CDS2: variants seen among roughly 807,000 people sequenced by gnomAD.
CDS2 encodes CDP-diacylglycerol synthase 2.
A neutral mutation model predicts 59.0 loss-of-function variants in CDS2; 47 were observed. That is an observed-to-expected ratio of 0.80 (90% CI 0.63 to 1.02). CDS2 has a LOEUF of 1.02. CDS2 is among the 50% of genes least tolerant of loss of function. CDS2 has a pLI of 0.00. For missense variants in CDS2, 356 were observed against 558.9 expected (o/e 0.64, Z 3.66); for synonymous variants, 207 against 206.4 (o/e 1.00, Z -0.02).
intron 5 of CDS2, among the ~76,000 whole-genome samples, chr20:5,181,802 G>T (rs2091035438): frequency 6.6e-6 from 1 of 152,156 alleles, no homozygotes; most frequent in Admixed American, 6.5e-5. Context: ...AATAAATACT[G>T]TAGGCAATTA....
chr20:5,143,209 G>C (rs774128256), intron 1 of CDS2, among the ~76,000 whole-genome samples: 4 of 151,988 alleles, frequency 2.6e-5, no homozygotes, highest in Non-Finnish European at 1.5e-5. Flanking sequence ...CCATCTGAGA[G>C]GTGCAAAATT....
chr20:5,163,367 T>G (rs2123019466), intron 1 of CDS2, among the ~76,000 whole-genome samples: 1 of 149,636 alleles, frequency 6.7e-6, no homozygotes, highest in Admixed American at 6.7e-5. Flanking sequence ...ATTCAATCGA[T>G]TCTCCTGCCT....
At chr20:5,185,703 G>A (rs528265233) in intron 8 of CDS2, 55 bp from the exon 9 acceptor site, 29 of 1,476,312 alleles carry the variant, frequency 2.0e-5, no homozygotes, top group South Asian at 1.6e-4. Context: ...ATCATTGTTC[G>A]CAAAGCTATA....
In CDS2 at chr20:5,184,939, C is replaced by T. The variant is rs1324918606; in HGVS notation, c.753C>T (p.Leu251=). ...MFGFFFGRTP[L]IKLSPKKTWE... ...GCTTTTTCTTTGGTCGGACCCCACT[C>T]ATCAAGGTAAATGGATTACCCTAAT... The change falls in exon 8 of 13, where the codon CTC becomes CTT. Residue 251 remains leucine (L), a synonymous_variant. Transcript: ENST00000460006. This position sits in a 1 kb window ranked among gnomAD's most constrained non-coding sequence, Gnocchi z 4.3. 3.7e-6 allele frequency: 6 copies of T among 1,609,952 alleles called. No homozygotes were observed. Among genetic ancestry groups the T allele is most frequent in the African/African-American group, 2.7e-5 (2 of 74,790 alleles).
chr20:5,128,489 A>G (rs1376558108), intron 1 of CDS2: 1 of 152,204 alleles, frequency 6.6e-6, no homozygotes, highest in African/African-American at 2.4e-5. Flanking sequence ...TTTTTAGAAC[A>G]TATATTTTGG....
At chr20:5,133,385 C>T (rs1299425126) in intron 1 of CDS2, among the ~76,000 whole-genome samples, 2 of 151,546 alleles carry the variant, frequency 1.3e-5, no homozygotes, top group Non-Finnish European at 2.9e-5. Context: ...CTGAGTAGCT[C>T]AGGACTACAG....
intron 1 of CDS2, among the ~76,000 whole-genome samples, chr20:5,158,326 C>T (rs531259663): frequency 1.2e-4 from 19 of 152,148 alleles, no homozygotes; most frequent in African/African-American, 2.6e-4. Flanking sequence ...CCTGCCACCA[C>T]GCCCAGCTAA....
chr20:5,180,182 C>T (rs972475535), intron 5 of CDS2, among the ~76,000 whole-genome samples: 3 of 152,096 alleles, frequency 2.0e-5, no homozygotes, highest in East Asian at 1.9e-4. Context: ...AAGGGGTCTG[C>T]GGACATGTTG....
At chr20:5,154,787 A>C (rs1379018236) in intron 1 of CDS2, among the ~76,000 whole-genome samples, 1 of 152,180 alleles carries the variant, frequency 6.6e-6, no homozygotes, top group Non-Finnish European at 1.5e-5. Flanking sequence ...AGCTGGGACT[A>C]CGGGTGCGTG....
intron 1 of CDS2, among the ~76,000 whole-genome samples, chr20:5,145,487 C>T (rs577674439): frequency 5.4e-4 from 82 of 152,252 alleles, no homozygotes; most frequent in African/African-American, 1.7e-3. Context: ...TTGCTCTCAT[C>T]CACTATCCCG....
chr20:5,173,647 A>G lies in CDS2; in HGVS notation c.182A>G (p.Asn61Ser). ...GAGGTCCTCAATAGGGCCCTTTCCA[A>G]CTTGTCTTCAAGGTAACCTGGCTTA... ...TPEVLNRALS[N>S]LSSRWKNWWV... is the part of the protein sequence containing the mutation. The change falls in exon 2 of 13, where the codon AAC becomes AGC. Residue 61 changes from asparagine to serine, a missense_variant. Coordinates refer to ENST00000460006, the MANE Select transcript of CDS2 (RefSeq NM_003818.4). 1 of 1,614,054 alleles carries G rather than the reference A, an allele frequency of 6.2e-7. No homozygotes were observed. Among genetic ancestry groups the G allele is most frequent in the Non-Finnish European group, 8.5e-7 (1 of 1,179,970 alleles).
chr20:5,174,008 G>C (rs780567392), intron 2 of CDS2, among the ~76,000 whole-genome samples: 2 of 152,216 alleles, frequency 1.3e-5, no homozygotes, highest in African/African-American at 2.4e-5. Context: ...TTGGGTTTGC[G>C]ATTAATGGGC....
intron 6 of CDS2, among the ~76,000 whole-genome samples, chr20:5,182,766 T>C (rs984438177): frequency 1.3e-5 from 2 of 152,218 alleles, no homozygotes; most frequent in African/African-American, 2.4e-5. Context: ...ACTTATTCCC[T>C]GACTCACTAG....
intron 1 of CDS2, among the ~76,000 whole-genome samples, chr20:5,162,143 G>A (rs116948325): frequency 0.025 from 3,789 of 152,278 alleles, 52 homozygotes; most frequent in South Asian, 0.038. Context: ...CAACTGCAGT[G>A]TCCAGTACCT....
intron 1 of CDS2, among the ~76,000 whole-genome samples, chr20:5,143,175 T>A (rs983258183): frequency 6.6e-6 from 1 of 152,054 alleles, no homozygotes; most frequent in South Asian, 2.1e-4. Flanking sequence ...TCAATAAACA[T>A]GAAAAGATGC....
chr20:5,173,789 C>A, intron 2 of CDS2, 130 bp downstream of exon 2: 1 of 1,030,410 alleles, frequency 9.7e-7, no homozygotes, highest in Non-Finnish European at 1.5e-6. Context: ...TCCCATGCCA[C>A]TGCTCCAGGC....
intron 1 of CDS2, among the ~76,000 whole-genome samples, chr20:5,168,420 A>C (rs77491521): frequency 1.2e-3 from 167 of 134,662 alleles, no homozygotes; most frequent in South Asian, 2.1e-3. Flanking sequence ...GTCCCCCCAA[A>C]AAAAAAAAAA....
rs2091148138 is a variant in CDS2, at chr20:5,195,275, C to G, written c.*5041C>G. 1.3e-5 allele frequency: 2 copies of G among 152,344 alleles called. No homozygotes were observed. Among genetic ancestry groups the G allele is most frequent in the African/African-American group, 4.8e-5 (2 of 41,404 alleles). 9.4% of individuals were successfully genotyped at this position (152,344 alleles called of 1,614,324 possible). On this transcript the variant is annotated 3_prime_UTR_variant, in exon 13 of 13. Transcript: ENST00000460006. ...GCAATGCCAGAGATGGGATTGTCAG[C>G]CACCACACTGCCACCACCCTGCACA...
At chr20:5,149,861 GCCTGCCA>G (rs776317834) in intron 1 of CDS2, among the ~76,000 whole-genome samples, 32 of 152,026 alleles carry the variant, frequency 2.1e-4, no homozygotes, top group Non-Finnish European at 4.1e-4. Context: ...GATTACAGGT[GCCTGCCA>G]CCACGCCTGG....
Sources: allele counts gnomAD v4.1 joint callset (sites outside exome capture counted in the v4.1 genomes callset), GRCh38; gene constraint gnomAD v4.1.1; non-coding constraint Gnocchi (gnomAD v3.1); transcripts MANE v1.5; gene names NCBI Gene and HGNC (gene_info 2026-07-23, HGNC 2026-07-21).